HK1: variants seen among roughly 807,000 people sequenced by gnomAD.
HK1 encodes hexokinase 1.
HK1 carries 28 observed loss-of-function variants against 91.6 expected under a neutral mutation model. That is an observed-to-expected ratio of 0.31 (90% confidence interval 0.23 to 0.42). The LOEUF (loss-of-function observed/expected upper bound fraction) is 0.42, where lower values mean the gene tolerates loss of function less well. HK1 is among the 10% of genes least tolerant of loss of function. The pLI, the probability that HK1 is intolerant of heterozygous loss-of-function variation, is 1.00. For synonymous variants in HK1, 430 were observed against 468.1 expected (o/e 0.92, Z 1.05); for missense variants, 770 against 1,219.8 (o/e 0.63, Z 5.49).
chr10:69,317,939 A>T, upstream of HK1: 1 of 569,698 alleles, frequency 1.8e-6, no homozygotes. Flanking sequence ...ATCCTACGTA[A>T]CTTCCTCTGG....
Position 69,332,574 on chromosome 10 carries a change from G to C in HK1, c.64-11253G>C, listed in dbSNP as rs539438816. On this transcript the variant is annotated intron_variant, in intron 1 of 17. Coordinates refer to ENST00000359426, the MANE Select transcript of HK1 (RefSeq NM_000188.3). Reference sequence around the variant, plus strand: ...TTTTTTATAGTTTTAGTAGAGACGGGTTTTGCCATGTTGGCCAGGCTGGTC... The same window carrying C: ...TTTTTTATAGTTTTAGTAGAGACGGCTTTTGCCATGTTGGCCAGGCTGGTC... 9.2e-5 allele frequency among the ~76,000 whole-genome samples: 14 copies of C among 151,838 alleles called. No individual in the cohort carries two copies. In the South Asian group the frequency reaches 2.9e-3, roughly 32 times the overall value.
At chr10:69,343,684 C>G in intron 1 of HK1, 143 bp from the exon 2 acceptor site, 1 of 759,644 alleles carries the variant, frequency 1.3e-6, no homozygotes, top group South Asian at 1.4e-5. Flanking sequence ...TGGATGACAG[C>G]AGTTGAATGA....
intron 7 of HK1, among the ~76,000 whole-genome samples, chr10:69,376,058 GAGA>G (rs1206440931): frequency 1.3e-5 from 2 of 152,182 alleles, no homozygotes; most frequent in African/African-American, 2.4e-5. Flanking sequence ...CTTTTGGCCG[GAGA>G]AGGAGAAAAT....
intron 2 of HK1, among the ~76,000 whole-genome samples, chr10:69,288,204 C>T (rs570133894): frequency 4.6e-5 from 7 of 152,120 alleles, no homozygotes; most frequent in Non-Finnish European, 1.0e-4. Context: ...GATTTCCTCT[C>T]CAAAGCATGA....
intron 5 of HK1, among the ~76,000 whole-genome samples, chr10:69,301,423 A>G (rs1327068073): frequency 1.3e-5 from 2 of 149,608 alleles, no homozygotes; most frequent in East Asian, 3.9e-4. Context: ...AAAATACAAA[A>G]ACTAGCCAGT....
At chr10:69,319,889 C>A (rs573572644) in intron 1 of HK1, among the ~76,000 whole-genome samples, 2 of 150,310 alleles carry the variant, frequency 1.3e-5, no homozygotes, top group South Asian at 2.1e-4. Flanking sequence ...TAGGGAAAGA[C>A]GCCCGTTTTA....
chr10:69,279,252 CCT>C (rs1844618736), intron 1 of HK1, among the ~76,000 whole-genome samples: 2 of 152,178 alleles, frequency 1.3e-5, no homozygotes, highest in Admixed American at 1.3e-4. Context: ...ATGGGCTAAT[CCT>C]CTCTCTGCCC....
chr10:69,310,393 C>A (rs1274298544), intron 5 of HK1, among the ~76,000 whole-genome samples: 1 of 146,446 alleles, frequency 6.8e-6, no homozygotes, highest in Non-Finnish European at 1.5e-5. Context: ...TGAACTGCAA[C>A]CTGGGTGACA....
Position 69,379,940 on chromosome 10 carries a change from A to G in HK1, c.1110A>G (p.Ser370=), listed in dbSNP as rs147176188. ...GVEPSDDDCV[S]VQHVCTIVSF... ...AGCCGTCCGATGATGACTGTGTCTCAGTCCAGCACGTTTGCACCATTGTCT... is the reference window on the plus strand; with the variant it reads ...AGCCGTCCGATGATGACTGTGTCTCGGTCCAGCACGTTTGCACCATTGTCT... Residue 370 remains serine (S), a synonymous_variant, in exon 9 of 18, where the codon TCA becomes TCG. Coordinates refer to ENST00000359426, the MANE Select transcript of HK1 (RefSeq NM_000188.3). The G allele has an allele frequency of 3.7e-6, 6 of 1,614,188 alleles. No homozygotes were observed. Among genetic ancestry groups the G allele is most frequent in the Non-Finnish European group, 4.2e-6 (5 of 1,180,024 alleles).
chr10:69,283,480 A>T (rs112432568), intron 2 of HK1, among the ~76,000 whole-genome samples: 15,752 of 149,698 alleles, frequency 0.11, 1,588 homozygotes, highest in African/African-American at 0.26. Context: ...AATATAAATA[A>T]AAATAAAAAT....
intron 2 of HK1, among the ~76,000 whole-genome samples, chr10:69,283,080 C>T (rs1391830192): frequency 1.4e-5 from 2 of 140,278 alleles, no homozygotes; most frequent in Non-Finnish European, 3.0e-5. Flanking sequence ...GCCAAGATTG[C>T]GCCACTGCAC....
At chr10:69,334,589 C>A (rs952096905) in intron 1 of HK1, among the ~76,000 whole-genome samples, 2 of 152,116 alleles carry the variant, frequency 1.3e-5, no homozygotes, top group Non-Finnish European at 2.9e-5. Context: ...GCCAGCAAAC[C>A]CTCTGAGACC....
At chr10:69,317,751 C>T (rs1589473072), upstream of HK1, among the ~76,000 whole-genome samples, 1 of 152,254 alleles carries the variant, frequency 6.6e-6, no homozygotes, top group East Asian at 1.9e-4. Flanking sequence ...TGAGGCCTCA[C>T]TGAGCTTCAA....
chr10:69,330,358 T>C (rs1276349725), intron 1 of HK1, among the ~76,000 whole-genome samples: 2 of 152,152 alleles, frequency 1.3e-5, no homozygotes, highest in Non-Finnish European at 2.9e-5. Flanking sequence ...CCATCAAGCT[T>C]GGATGTAGGA....
chr10:69,398,150 GA>G (rs774454706), intron 16 of HK1, among the ~76,000 whole-genome samples: 52 of 152,308 alleles, frequency 3.4e-4, no homozygotes, highest in Non-Finnish European at 6.9e-4. Flanking sequence ...CAATTAACTT[GA>G]ATTTCTCCAA....
chr10:69,325,529 T>C lies in HK1; in HGVS notation c.63+6519T>C, dbSNP rs1455468034. Among the ~76,000 whole-genome samples the C allele has an allele frequency of 7.2e-3, 1,066 of 148,422 alleles. 12 individuals carry two copies. Among genetic ancestry groups the C allele is most frequent in the African/African-American group, 0.021 (872 of 40,806 alleles). ...CCAGCCAATGCTCCTGGCCTGCATT[T>C]TTTTTTTTTTTTTTGAGATGGGGTC... On this transcript the variant is annotated intron_variant, in intron 1 of 17. Transcript: ENST00000359426.
At chr10:69,310,420 C>CA (rs745830600) in intron 5 of HK1, among the ~76,000 whole-genome samples, 1,907 of 84,958 alleles carry the variant, frequency 0.022, 37 homozygotes, top group East Asian at 0.14. Flanking sequence ...GACTTTGTCT[C>CA]AAAAAAAAAA....
At chr10:69,340,214 G>A (rs995787162) in intron 1 of HK1, among the ~76,000 whole-genome samples, 25 of 152,178 alleles carry the variant, frequency 1.6e-4, no homozygotes, top group African/African-American at 5.3e-4. Context: ...TGTCCAAAAT[G>A]CTGGAGTAGC....
intron 1 of HK1, among the ~76,000 whole-genome samples, chr10:69,277,501 G>A (rs1195141010): frequency 2.0e-5 from 3 of 152,036 alleles, no homozygotes; most frequent in Non-Finnish European, 4.4e-5. Context: ...TTGGGAGGTC[G>A]AGGCTGCAGT....
Sources: allele counts gnomAD v4.1 joint callset (sites outside exome capture counted in the v4.1 genomes callset), GRCh38; gene constraint gnomAD v4.1.1; transcripts MANE v1.5; gene names NCBI Gene and HGNC (gene_info 2026-07-23, HGNC 2026-07-21).